The following SSU72 variants were observed in gnomAD, a reference collection of about 807,000 sequenced individuals.
The protein encoded by SSU72 is SSU72 homolog, RNA polymerase II CTD phosphatase.
In SSU72, 12 loss-of-function variants were observed where a neutral mutation model predicts 22.7. The ratio of observed to expected loss-of-function variants is 0.53; its 90% CI spans 0.34 to 0.86. The LOEUF is 0.86. Among genes scored for constraint, SSU72 ranks in the 40% least tolerant of loss-of-function variants. SSU72 has a pLI of 0.02. For missense variants in SSU72, 151 were observed against 249.8 expected (o/e 0.60, Z 2.67); for synonymous variants, 116 against 98.3 (o/e 1.18, Z -1.06).
Position 1,544,881 on chromosome 1 carries a change from A to G in SSU72, c.346T>C (p.Tyr116His). Residue 116 changes from tyrosine to histidine, a missense_variant, in exon 3 of 5, where the codon TAT (tyrosine) becomes CAT (histidine). Physicochemically the swap from Tyr to His is moderately conservative, Grantham distance 83. Coordinates refer to ENST00000291386, the MANE Select transcript of SSU72 (RefSeq NM_014188.3). The stretch of plus-strand genomic sequence containing the variant: ...TCCTCACCTTCCACCACCTGGTCAT[A>G]CACTCTCTCTTCGCAAGTGAGGATC... ...DLILTCEERV[Y>H]DQVVEDLNSR... The G allele has an allele frequency of 1.2e-6, 2 of 1,614,184 alleles. No individual in the cohort carries two copies. The highest frequency in any genetic ancestry group is 1.7e-6 in the Non-Finnish European group (2 of 1,180,024).
In SSU72 at chr1:1,574,743, G is replaced by A. The variant is rs1396795934; in HGVS notation, c.-186C>T. The stretch of plus-strand genomic sequence containing the variant: ...CACCCTGGGCGCCGGGCCGCGGACG[G>A]AGCGCAGGCACTGGCCTTCGGGCGC... On this transcript the variant is annotated 5_prime_UTR_variant, in exon 1 of 5. Transcript: ENST00000291386. 1 of 402,318 alleles carries A rather than the reference G, an allele frequency of 2.5e-6. No individual in the cohort carries two copies. Among genetic ancestry groups the A allele is most frequent in the Non-Finnish European group, 4.1e-6 (1 of 244,094 alleles). 24.9% of individuals were successfully genotyped at this position (402,318 alleles called of 1,614,324 possible). A position where few individuals can be genotyped will look rare whatever the true frequency, so the allele number is the denominator to read the frequency against.
At chr1:1,552,970 G>A (rs1033452991) in intron 2 of SSU72, among the ~76,000 whole-genome samples, 4 of 147,636 alleles carry the variant, frequency 2.7e-5, no homozygotes, top group African/African-American at 7.6e-5. Context: ...GCAGTGAGCC[G>A]AGATTGCGCC....
intron 1 of SSU72, among the ~76,000 whole-genome samples, chr1:1,568,758 C>A (rs1198818178): frequency 6.7e-6 from 1 of 148,890 alleles, no homozygotes; most frequent in Non-Finnish European, 1.5e-5. Context: ...AACCCCGTCT[C>A]TACTAAAAAT....
At chr1:1,553,119 T>C (rs1642473294) in intron 2 of SSU72, among the ~76,000 whole-genome samples, 1 of 151,966 alleles carries the variant, frequency 6.6e-6, no homozygotes, top group Non-Finnish European at 1.5e-5. Context: ...ACCCGAAACA[T>C]TCCACTTGGA....
intron 2 of SSU72, among the ~76,000 whole-genome samples, chr1:1,552,735 G>T (rs1317616092): frequency 6.6e-6 from 1 of 152,170 alleles, no homozygotes; most frequent in African/African-American, 2.4e-5. Context: ...AAAAATGGTG[G>T]ACTGGCCGGG....
chr1:1,567,674 AC>A (rs961076071), intron 1 of SSU72, among the ~76,000 whole-genome samples: 44 of 152,188 alleles, frequency 2.9e-4, no homozygotes, highest in Admixed American at 5.9e-4. Context: ...CAAAGCACAA[AC>A]AAGGGCCGGA....
At chr1:1,548,020 A>G (rs373716751) in intron 2 of SSU72, among the ~76,000 whole-genome samples, 12 of 152,222 alleles carry the variant, frequency 7.9e-5, no homozygotes, top group Non-Finnish European at 1.3e-4. Flanking sequence ...TAGGGCCCCA[A>G]CTGGGCATGA....
At chr1:1,544,344 G>A (rs189423547) in intron 3 of SSU72, among the ~76,000 whole-genome samples, 5 of 152,306 alleles carry the variant, frequency 3.3e-5, no homozygotes, top group Admixed American at 1.3e-4. Flanking sequence ...TGGGCCTGGC[G>A]CGGTGGCTCT....
At chr1:1,564,716 A>C (rs763388747) in intron 2 of SSU72, 57 bp downstream of exon 2, 26 of 1,614,114 alleles carry the variant, frequency 1.6e-5, no homozygotes, top group Non-Finnish European at 2.2e-5. Flanking sequence ...AGCCACACGT[A>C]ACACCTTCCA....
At chr1:1,553,619 C>CAAAA (rs59261076) in intron 2 of SSU72, among the ~76,000 whole-genome samples, 4 of 100,806 alleles carry the variant, frequency 4.0e-5, no homozygotes, top group African/African-American at 6.1e-5. Flanking sequence ...ACTAAAAATA[C>CAAAA]AAAAAAAAAA....
chr1:1,572,485 C>T (rs1557508143), intron 1 of SSU72, among the ~76,000 whole-genome samples: 1 of 150,792 alleles, frequency 6.6e-6, no homozygotes. Flanking sequence ...GAGATGGAGT[C>T]TTGCTCTGTC....
intron 1 of SSU72, among the ~76,000 whole-genome samples, chr1:1,569,530 G>A (rs535597428): frequency 6.6e-5 from 10 of 152,226 alleles, no homozygotes; most frequent in Non-Finnish European, 1.5e-4. Context: ...TTGGTTTGTC[G>A]TCCAGCCAGG....
Position 1,544,002 on chromosome 1 carries a change from G to T in SSU72, c.365-15C>A. ...GGAATTCAGATCTGATTGGGACAAG[G>T]TGACACAGACGTCAGAGGCTCCAAA... On this transcript the variant is annotated splice_polypyrimidine_tract_variant and intron_variant, in intron 3 of 4. Coordinates refer to ENST00000291386, the MANE Select transcript of SSU72 (RefSeq NM_014188.3). 1 of 1,598,650 alleles carries T rather than the reference G, an allele frequency of 6.3e-7. No individual in the cohort carries two copies. The highest frequency in any genetic ancestry group is 8.6e-7 in the Non-Finnish European group (1 of 1,167,344).
Position 1,542,027 on chromosome 1 carries a change from A to C in SSU72, c.*39T>G, listed in dbSNP as rs753316262. 6.5e-7 allele frequency: 1 copy of C among 1,541,478 alleles called. No homozygotes were observed. The highest frequency in any genetic ancestry group is 1.2e-5 in the South Asian group (1 of 84,018). On this transcript the variant is annotated 3_prime_UTR_variant, in exon 5 of 5. Transcript: ENST00000291386. This position sits in a 1 kb window ranked among gnomAD's most constrained non-coding sequence, Gnocchi z 4.4. Reference sequence around the variant, plus strand: ...TGTCAGGAAGGAAAAAGTATGAACAACAGGAAGCTCCAGAGGCGGCTCCAT... The same window carrying C: ...TGTCAGGAAGGAAAAAGTATGAACACCAGGAAGCTCCAGAGGCGGCTCCAT...
chr1:1,565,352 G>C (rs1570397588), intron 1 of SSU72, among the ~76,000 whole-genome samples: 1 of 152,184 alleles, frequency 6.6e-6, no homozygotes, highest in African/African-American at 2.4e-5. Context: ...CAGCCTGGGC[G>C]ACAGGCTGTA....
chr1:1,556,810 C>T (rs1342975063), intron 2 of SSU72, among the ~76,000 whole-genome samples: 1 of 152,226 alleles, frequency 6.6e-6, no homozygotes, highest in African/African-American at 2.4e-5. Flanking sequence ...AACTCACAGG[C>T]TTGTGGGCCC....
chr1:1,541,959 T>A lies in SSU72; in HGVS notation c.*107A>T. ...ATTTCATATGCACAGTTTATTTGGG[T>A]AATGCTACCGTCACCAGCAGAACAC... On this transcript the variant is annotated 3_prime_UTR_variant, in exon 5 of 5. Coordinates refer to ENST00000291386, the MANE Select transcript of SSU72 (RefSeq NM_014188.3). 1.9e-6 allele frequency: 2 copies of A among 1,032,586 alleles called. No homozygotes were observed. Among genetic ancestry groups the A allele is most frequent in the Non-Finnish European group, 2.9e-6 (2 of 692,266 alleles). 64.0% of individuals were successfully genotyped at this position (1,032,586 alleles called of 1,614,324 possible).
chr1:1,574,580 G>A lies in SSU72; in HGVS notation c.-23C>T, dbSNP rs1326515037. 1.0e-5 allele frequency: 16 copies of A among 1,577,966 alleles called. No homozygotes were observed. Among genetic ancestry groups the A allele is most frequent in the Non-Finnish European group, 1.4e-5 (16 of 1,165,416 alleles). On this transcript the variant is annotated 5_prime_UTR_variant, in exon 1 of 5. Transcript: ENST00000291386. ...CATGGCGGCGGCCGCAAATCCCGCG[G>A]CTCTCCCGCTTGGGTTCCCACCCTA... is the stretch of plus-strand genomic sequence containing the variant.
At position 1,546,845 on chromosome 1, in the gene SSU72, A is replaced by AAACAAC. The variant is rs764603336; in HGVS notation, c.225-1849_225-1844dup. ...GCGACAGAGTAAAACTCCTTCTGGA[A>AAACAAC]AACAACAACAACAACAAAAAAAAAA... On this transcript the variant is annotated intron_variant, in intron 2 of 4. Coordinates refer to ENST00000291386, the MANE Select transcript of SSU72 (RefSeq NM_014188.3). Among the ~76,000 whole-genome samples the AAACAAC allele has an allele frequency of 6.3e-4, 67 of 106,468 alleles. 4 individuals are homozygous for AAACAAC. The highest frequency in any genetic ancestry group is 1.1e-3 in the African/African-American group (22 of 20,276). 69.8% of individuals were successfully genotyped at this position (106,468 alleles called of 152,430 possible).
Sources: gnomAD v4.1 joint callset for allele counts (sites outside exome capture counted in the v4.1 genomes callset) on GRCh38, gnomAD v4.1.1 for gene constraint, Gnocchi (gnomAD v3.1) non-coding constraint, MANE v1.5 for transcripts, NCBI Gene and HGNC (gene_info 2026-07-23, HGNC 2026-07-21) for gene names.